The following PCDHA1 variants were observed in gnomAD, a reference collection of about 807,000 sequenced individuals.
The protein encoded by PCDHA1 is protocadherin alpha-1.
Under a neutral mutation model 61.3 loss-of-function variants are expected in PCDHA1, and 42 were observed. The ratio of observed to expected loss-of-function variants is 0.69; its 90% CI spans 0.54 to 0.89. The LOEUF (loss-of-function observed/expected upper bound fraction) is 0.89, where lower values mean the gene tolerates loss of function less well. PCDHA1 is among the 40% of genes least tolerant of loss of function. PCDHA1 has a pLI of 0.00. For synonymous variants in PCDHA1, 610 were observed against 553.8 expected (o/e 1.10, Z -1.43); for missense variants, 1,256 against 1,235.3 (o/e 1.02, Z -0.25).
chr5:140,974,618 T>C (rs781783540), intron 1 of PCDHA1, among the ~76,000 whole-genome samples: 1 of 152,086 alleles, frequency 6.6e-6, no homozygotes, highest in Non-Finnish European at 1.5e-5. Context: ...TTCAAGCGAT[T>C]CTCCTGCCTC....
chr5:140,875,771 C>A (rs182160950), intron 1 of PCDHA1: 3 of 1,614,080 alleles, frequency 1.9e-6, no homozygotes, highest in Non-Finnish European at 2.5e-6. Context: ...GGGCGGAGCG[C>A]GGAGTGCAGT....
intron 1 of PCDHA1, chr5:140,867,487 T>C (rs1020782942): frequency 1.3e-5 from 2 of 152,026 alleles, no homozygotes; most frequent in African/African-American, 4.8e-5. Context: ...AGAGTAAATA[T>C]GAAAAAAGTA....
chr5:140,850,687 A>C lies in PCDHA1; in HGVS notation c.2394+62003A>C, dbSNP rs1159294242. The C allele has an allele frequency of 1.3e-5, 21 of 1,597,676 alleles. 1 individual carries two copies. The highest frequency in any genetic ancestry group is 3.4e-5 in the Admixed American group (2 of 59,228). ...TGCTCGGCGATGCCCACCGAGGGCG[A>C]GTGCGCGCCTGGCAAGCCGACGCTG... On this transcript the variant is annotated intron_variant, in intron 1 of 3. Transcript: ENST00000504120.
At position 140,936,850 on chromosome 5, in the gene PCDHA1, CTTCTCAGT is replaced by C. The variant is rs1421923207; in HGVS notation, c.2395-42094_2395-42087del. Among the ~76,000 whole-genome samples the C allele has an allele frequency of 3.1e-4, 47 of 152,208 alleles. 1 individual carries two copies. Among genetic ancestry groups the C allele is most frequent in the African/African-American group, 1.1e-3 (46 of 41,532 alleles). On this transcript the variant is annotated intron_variant, in intron 1 of 3. Coordinates refer to ENST00000504120, the MANE Select transcript of PCDHA1 (RefSeq NM_018900.4). ...ATTTCTATATAAATTGTAGATTCAG[CTTCTCAGT>C]TTCTATTTTAAAAAACCCTGCTTTG... is the stretch of plus-strand genomic sequence containing the variant.
intron 1 of PCDHA1, among the ~76,000 whole-genome samples, chr5:140,917,447 A>T (rs155358): frequency 0.58 from 87,947 of 151,944 alleles, 26,404 homozygotes; most frequent in African/African-American, 0.75. Flanking sequence ...TTGCTGCAAG[A>T]GCGTTTGGCA....
chr5:140,795,932 C>T (rs1762014147), intron 1 of PCDHA1: 5 of 1,613,908 alleles, frequency 3.1e-6, no homozygotes, highest in Admixed American at 1.7e-5. Context: ...GTCACTGCAA[C>T]TGACAAAGGA....
chr5:140,835,863 CT>C (rs1338277254), intron 1 of PCDHA1: 1 of 1,612,100 alleles, frequency 6.2e-7, no homozygotes, highest in Non-Finnish European at 8.5e-7. Flanking sequence ...GTCCTACTCG[CT>C]GGTGGAGCTG....
rs782603912 is a variant in PCDHA1, at chr5:140,803,391, T to C, written c.2394+14707T>C. On this transcript the variant is annotated intron_variant, in intron 1 of 3. Transcript: ENST00000504120. ...CTCCGCGCCGCCAACCGAAGGCGAC[T>C]GTGGGCCGGGCAAGCCCACGCTGGT... 2 of 1,614,234 alleles carry C rather than the reference T, an allele frequency of 1.2e-6. No individual in the cohort carries two copies. The highest frequency in any genetic ancestry group is 1.7e-6 in the Non-Finnish European group (2 of 1,180,046).
intron 1 of PCDHA1, chr5:140,815,867 A>C (rs1554126905): frequency 6.6e-6 from 1 of 152,114 alleles, no homozygotes; most frequent in African/African-American, 2.4e-5. Flanking sequence ...CTTGGCTGGC[A>C]GTTCTTTTTC....
chr5:140,958,053 G>A (rs2095406506), intron 1 of PCDHA1, among the ~76,000 whole-genome samples: 1 of 152,030 alleles, frequency 6.6e-6, no homozygotes. Context: ...ATAGAAAAAA[G>A]AGAGAAAAAA....
At chr5:140,849,620 C>T in intron 1 of PCDHA1, 2 of 1,598,618 alleles carry the variant, frequency 1.3e-6, no homozygotes, top group Non-Finnish European at 1.7e-6. Flanking sequence ...TTAGTGTGAT[C>T]GACCTAGACG....
rs374009117 is a variant in PCDHA1, at chr5:140,802,142, A to G, written c.2394+13458A>G. ...ACATAGATTTCGAGGAAAGTAAGTC[A>G]TATGAAATCCAGGTAGAAGCCACGG... On this transcript the variant is annotated intron_variant, in intron 1 of 3. Coordinates refer to ENST00000504120, the MANE Select transcript of PCDHA1 (RefSeq NM_018900.4). 6.1e-5 allele frequency: 99 copies of G among 1,614,142 alleles called. 1 individual carries two copies. The highest frequency in any genetic ancestry group is 5.3e-5 in the Non-Finnish European group (62 of 1,180,052).
chr5:140,927,171 C>G (rs1554204119), intron 1 of PCDHA1: 5 of 1,614,164 alleles, frequency 3.1e-6, no homozygotes. Context: ...AAGCTGCCTG[C>G]GTCTTGACCT....
intron 1 of PCDHA1, chr5:140,929,409 T>G: frequency 6.6e-7 from 1 of 1,506,206 alleles, no homozygotes; most frequent in Non-Finnish European, 8.9e-7. Context: ...GACAAGCCTT[T>G]CACAACATTT....
At chr5:140,993,667 C>T (rs2097576739) in intron 3 of PCDHA1, among the ~76,000 whole-genome samples, 1 of 152,052 alleles carries the variant, frequency 6.6e-6, no homozygotes, top group African/African-American at 2.4e-5. Context: ...AACAATGGAC[C>T]ACATATGTGA....
intron 1 of PCDHA1, chr5:140,821,950 G>C (rs1484669831): frequency 6.2e-7 from 1 of 1,614,058 alleles, no homozygotes; most frequent in Non-Finnish European, 8.5e-7. Flanking sequence ...GGCGGAGCTG[G>C]TGCCGCGCCT....
chr5:140,824,610 G>GTTTTTTTTTTTTTTTTTTTTTTTTTTT (rs782443702), intron 1 of PCDHA1: 4 of 95,104 alleles, frequency 4.2e-5, no homozygotes, highest in Non-Finnish European at 5.6e-5. Context: ...GCTAATTAAA[G>GTTTTTTTTTTTTTTTTTTTTTTTTTTT]TTTTTTTTTT....
At chr5:141,000,414 TATA>T (rs1563651539) in intron 3 of PCDHA1, among the ~76,000 whole-genome samples, 16 of 99,530 alleles carry the variant, frequency 1.6e-4, no homozygotes, top group African/African-American at 2.5e-4. Flanking sequence ...TATATATATA[TATA>T]TATATTTTTT....
chr5:140,822,949 G>T (rs2150120687), intron 1 of PCDHA1: 8 of 1,614,230 alleles, frequency 5.0e-6, no homozygotes, highest in Non-Finnish European at 6.8e-6. Flanking sequence ...AATGCCCCAC[G>T]TTCCCTTCAA....
Sources: gnomAD v4.1 joint callset for allele counts (sites outside exome capture counted in the v4.1 genomes callset) on GRCh38, gnomAD v4.1.1 for gene constraint, MANE v1.5 for transcripts, NCBI Gene and HGNC (gene_info 2026-07-23, HGNC 2026-07-21) for gene names.